The following TSPAN5 variants were observed in gnomAD, a reference collection of about 807,000 sequenced individuals.
TSPAN5 encodes the protein tetraspanin-5.
A neutral mutation model predicts 37.1 loss-of-function variants in TSPAN5; 10 were observed. The observed-to-expected ratio is 0.27, with a 90% CI of 0.17 to 0.46. The LOEUF is 0.46. Ranked by LOEUF, TSPAN5 falls within the 20% of genes least tolerant of loss-of-function variation. TSPAN5 has a pLI of 1.00. For synonymous variants in TSPAN5, 110 were observed against 118.9 expected (o/e 0.93, Z 0.48); for missense variants, 195 against 326.6 (o/e 0.60, Z 3.11).
intron 2 of TSPAN5, among the ~76,000 whole-genome samples, chr4:98,502,082 CAG>C (rs1293440811): frequency 6.6e-6 from 1 of 152,152 alleles, no homozygotes; most frequent in Non-Finnish European, 1.5e-5. Flanking sequence ...GAAAAGAAAG[CAG>C]AGTGTCAGGA....
chr4:98,536,968 G>A (rs1754249980), intron 1 of TSPAN5, among the ~76,000 whole-genome samples: 3 of 152,162 alleles, frequency 2.0e-5, no homozygotes. Context: ...CAGACCACTT[G>A]GATCCCTGGC....
At chr4:98,481,203 T>A (rs574891362) in intron 4 of TSPAN5, among the ~76,000 whole-genome samples, 2 of 152,292 alleles carry the variant, frequency 1.3e-5, no homozygotes, top group East Asian at 3.9e-4. Context: ...TGTCATAATA[T>A]CCCTGTGAGT....
chr4:98,483,752 T>C (rs1296360184), intron 3 of TSPAN5: 2 of 152,334 alleles, frequency 1.3e-5, no homozygotes, highest in Non-Finnish European at 2.9e-5. Context: ...TTCCTGATTA[T>C]ATATCCTTCA....
intron 1 of TSPAN5, among the ~76,000 whole-genome samples, chr4:98,642,644 G>C (rs901289747): frequency 2.0e-5 from 3 of 151,732 alleles, no homozygotes; most frequent in African/African-American, 4.8e-5. Flanking sequence ...ACTACATAAC[G>C]ACATTTTAAT....
chr4:98,500,272 G>A (rs1753316480), intron 2 of TSPAN5: 1 of 152,148 alleles, frequency 6.6e-6, no homozygotes, highest in Non-Finnish European at 1.5e-5. Flanking sequence ...GTTTTCCAAG[G>A]TGAGTCTCCT....
chr4:98,616,915 C>A (rs1241631328), intron 1 of TSPAN5, among the ~76,000 whole-genome samples: 1 of 146,026 alleles, frequency 6.8e-6, no homozygotes, highest in African/African-American at 2.6e-5. Context: ...CCTTGACCTA[C>A]TGGGCTCAAG....
chr4:98,547,939 A>T (rs1002217483), intron 1 of TSPAN5, among the ~76,000 whole-genome samples: 15 of 146,676 alleles, frequency 1.0e-4, no homozygotes, highest in African/African-American at 3.5e-4. Context: ...CTGGAGGTAG[A>T]GGCTGCAGTG....
chr4:98,507,147 C>A lies in TSPAN5; in HGVS notation c.132+531G>T, dbSNP rs1753495875. Among the ~76,000 whole-genome samples the A allele has an allele frequency of 2.0e-5, 3 of 152,256 alleles. No homozygotes were observed. The South Asian group carries it at 6.2e-4, about 32-fold the overall frequency. On this transcript the variant is annotated intron_variant, in intron 2 of 7. Transcript: ENST00000305798. ...ATTTCTTAATACTTGCCACCAGCAGCCAAACATTCCCATTATTTACATTAA... is the reference window on the plus strand; with the variant it reads ...ATTTCTTAATACTTGCCACCAGCAGACAAACATTCCCATTATTTACATTAA...
At chr4:98,530,094 T>G (rs1465088365) in intron 1 of TSPAN5, among the ~76,000 whole-genome samples, 1 of 152,158 alleles carries the variant, frequency 6.6e-6, no homozygotes. Flanking sequence ...GTGAAATGAC[T>G]GAGCATCAGG....
intron 1 of TSPAN5, among the ~76,000 whole-genome samples, chr4:98,598,461 C>T (rs1483628256): frequency 6.7e-6 from 1 of 149,648 alleles, no homozygotes; most frequent in African/African-American, 2.5e-5. Context: ...TGGCTCCTCC[C>T]TCCTGTTTTT....
intron 1 of TSPAN5, among the ~76,000 whole-genome samples, chr4:98,571,303 C>G (rs572046348): frequency 6.6e-6 from 1 of 151,676 alleles, no homozygotes; most frequent in Non-Finnish European, 1.5e-5. Context: ...GCAGGCTGCA[C>G]GGGGGAGCGC....
At chr4:98,474,408 C>T (rs1462818102) in intron 7 of TSPAN5, among the ~76,000 whole-genome samples, 1 of 152,180 alleles carries the variant, frequency 6.6e-6, no homozygotes, top group Admixed American at 6.5e-5. Context: ...GGCTGGAGTG[C>T]AATGGCATGA....
intron 1 of TSPAN5, among the ~76,000 whole-genome samples, chr4:98,651,500 T>C (rs567491656): frequency 6.6e-6 from 1 of 152,240 alleles, no homozygotes; most frequent in Non-Finnish European, 1.5e-5. Flanking sequence ...TGTGGTGATC[T>C]AGGAGAATAG....
intron 2 of TSPAN5, chr4:98,496,649 C>G (rs1418751137): frequency 6.6e-6 from 1 of 152,188 alleles, no homozygotes; most frequent in East Asian, 1.9e-4. Flanking sequence ...CAAGTTCCAT[C>G]AGGTGGCACT....
At chr4:98,524,176 T>C (rs1187158242) in intron 1 of TSPAN5, among the ~76,000 whole-genome samples, 5 of 152,214 alleles carry the variant, frequency 3.3e-5, no homozygotes, top group Non-Finnish European at 7.3e-5. Context: ...AAATAGCATA[T>C]ACTATGGGGA....
intron 2 of TSPAN5, among the ~76,000 whole-genome samples, chr4:98,490,632 G>T (rs4374629): frequency 0.45 from 68,756 of 152,020 alleles, 15,812 homozygotes; most frequent in Admixed American, 0.55. Flanking sequence ...TATTTTTAAT[G>T]GATTCAGAAT....
At chr4:98,543,658 G>T (rs187838561) in intron 1 of TSPAN5, among the ~76,000 whole-genome samples, 1 of 151,944 alleles carries the variant, frequency 6.6e-6, no homozygotes, top group East Asian at 1.9e-4. Flanking sequence ...GACCTCAAGT[G>T]ATCTACCTGC....
chr4:98,479,072 G>A (rs1486694051), intron 4 of TSPAN5, among the ~76,000 whole-genome samples: 1 of 152,200 alleles, frequency 6.6e-6, no homozygotes, highest in Non-Finnish European at 1.5e-5. Flanking sequence ...GGGCAGAGCA[G>A]CTGTACAGCA....
intron 1 of TSPAN5, among the ~76,000 whole-genome samples, chr4:98,521,709 G>A (rs1277876725): frequency 6.6e-6 from 1 of 152,176 alleles, no homozygotes; most frequent in Non-Finnish European, 1.5e-5. Flanking sequence ...CTTGCCCTGT[G>A]GGATGTCAGC....
Sources: allele counts gnomAD v4.1 joint callset (sites outside exome capture counted in the v4.1 genomes callset), GRCh38; gene constraint gnomAD v4.1.1; transcripts MANE v1.5; gene names NCBI Gene and HGNC (gene_info 2026-07-23, HGNC 2026-07-21).